TNS1: variants seen among roughly 807,000 people sequenced by gnomAD.
TNS1 encodes tensin 1, also known as tensin-1.
Under a neutral mutation model 168.6 loss-of-function variants are expected in TNS1, and 62 were observed. The observed-to-expected ratio is 0.37, with a 90% CI of 0.30 to 0.45. The LOEUF (loss-of-function observed/expected upper bound fraction) is 0.45. Among genes scored for constraint, TNS1 ranks in the 20% least tolerant of loss-of-function variants. TNS1 has a pLI of 1.00. For missense variants in TNS1, 2,240 were observed against 2,339.4 expected (o/e 0.96, Z 0.88); for synonymous variants, 934 against 933.2 (o/e 1.00, Z -0.02).
At chr2:217,834,482 C>T (rs1944895726) in intron 21 of TNS1, among the ~76,000 whole-genome samples, 2 of 152,232 alleles carry the variant, frequency 1.3e-5, no homozygotes, top group African/African-American at 4.8e-5. Context: ...GGAACACTGC[C>T]CCATGCCTTG....
rs758792363 is a variant in TNS1, at chr2:217,849,115, C to A, written c.1430-28G>T. 2.5e-6 allele frequency: 4 copies of A among 1,582,594 alleles called. No individual in the cohort carries two copies. The South Asian group carries it at 4.6e-5, about 18-fold the overall frequency. On this transcript the variant is annotated intron_variant, in intron 18 of 32. Transcript: ENST00000682258. ...GCAAGGGACAGAGCCGGAGGGGAGA[C>A]AACAGACAACAGACATTAGCGGGAG...
chr2:217,893,139 T>C, intron 10 of TNS1, 127 bp from the exon 11 acceptor site: 1 of 1,230,472 alleles, frequency 8.1e-7, no homozygotes, highest in Non-Finnish European at 1.1e-6. Flanking sequence ...AGGGAGAACA[T>C]AAGGAGGAAG....
At chr2:217,962,963 A>C (rs1319130934) in intron 3 of TNS1, among the ~76,000 whole-genome samples, 1 of 152,210 alleles carries the variant, frequency 6.6e-6, no homozygotes, top group Non-Finnish European at 1.5e-5. Flanking sequence ...GTGCATGGTT[A>C]TGTAAGATGT....
At chr2:217,808,476 C>T (rs185129392) in intron 31 of TNS1, 127 bp downstream of exon 31, 16 of 962,238 alleles carry the variant, frequency 1.7e-5, no homozygotes, top group East Asian at 2.4e-5. Context: ...CATGGGCAGA[C>T]CTTCCAGCTG....
chr2:217,966,707 A>G (rs779044205), intron 3 of TNS1, among the ~76,000 whole-genome samples: 2 of 152,216 alleles, frequency 1.3e-5, no homozygotes, highest in Non-Finnish European at 2.9e-5. Flanking sequence ...GAACAGCACA[A>G]GGGAACACTG....
chr2:218,016,711 C>A (rs1456425024), intron 1 of TNS1, among the ~76,000 whole-genome samples: 1 of 152,170 alleles, frequency 6.6e-6, no homozygotes, highest in African/African-American at 2.4e-5. Flanking sequence ...GAATGGACCC[C>A]CCCAGAAAGA....
Position 217,801,021 on chromosome 2 carries a change from C to T in TNS1, c.*3438G>A, listed in dbSNP as rs578172889. ...CACAACCACTGGCCCCACCATCCCTCTCCTGGCCAGTCTCAGAAGACCCAG... is the reference window on the plus strand; with the variant it reads ...CACAACCACTGGCCCCACCATCCCTTTCCTGGCCAGTCTCAGAAGACCCAG... On this transcript the variant is annotated 3_prime_UTR_variant, in exon 33 of 33. Transcript: ENST00000682258. The T allele has an allele frequency of 6.6e-6, 1 of 152,368 alleles. No homozygotes were observed. Among genetic ancestry groups the T allele is most frequent in the Admixed American group, 6.5e-5 (1 of 15,288 alleles). The allele number at this position is 152,368 out of a possible 1,614,324, so 9.4% of individuals were successfully genotyped here. A position where few individuals can be genotyped will look rare whatever the true frequency, so the allele number is the denominator to read the frequency against.
rs766007050 is a variant in TNS1 at position 217,897,858 on chromosome 2, G to A, written c.483C>T (p.Phe161=). The change falls in exon 8 of 33, where the codon TTC becomes TTT. Residue 161 remains phenylalanine (F), a synonymous_variant. Transcript: ENST00000682258. ...SFPSTANEEN[F]RSNLREVAQM... ...GCGCCACCTCACGGAGGTTGCTCCGGAAGTTCTCCTCATTGGCTGTGCTGG... is the reference window on the plus strand; with the variant it reads ...GCGCCACCTCACGGAGGTTGCTCCGAAAGTTCTCCTCATTGGCTGTGCTGG... 1 of 1,613,546 alleles carries A rather than the reference G, an allele frequency of 6.2e-7. No homozygotes were observed. Among genetic ancestry groups the A allele is most frequent in the Non-Finnish European group, 8.5e-7 (1 of 1,179,724 alleles).
chr2:217,892,755 A>G (rs533793395), intron 11 of TNS1, among the ~76,000 whole-genome samples, 193 bp downstream of exon 11: 1 of 151,120 alleles, frequency 6.6e-6, no homozygotes, highest in African/African-American at 2.4e-5. Context: ...AGAGAAGTGG[A>G]CTCTCCTCCC....
chr2:217,931,006 G>T (rs1286066906), intron 3 of TNS1, among the ~76,000 whole-genome samples: 1 of 152,152 alleles, frequency 6.6e-6, no homozygotes, highest in Admixed American at 6.5e-5. Flanking sequence ...GAGGTGACAG[G>T]CGTGGGGAGC....
Position 217,804,529 on chromosome 2 carries a change from G to A in TNS1, c.5450C>T (p.Pro1817Leu), listed in dbSNP as rs778921539. 39 of 1,614,046 alleles carry A rather than the reference G, an allele frequency of 2.4e-5. No homozygotes were observed. In the South Asian group the frequency reaches 4.0e-4, roughly 16 times the overall value. ...NACHLFAELD[P>L]NQPASAIVNF... ...GACGATGGCAGAGGCCGGCTGGTTG[G>A]GGTCAAGCTCAGCAAAGAGGTGGCA... Residue 1817 changes from proline to leucine, a missense_variant, in exon 33 of 33, where the codon CCC becomes CTC. Physicochemically the swap from Pro to Leu is moderately conservative, Grantham distance 98. Coordinates refer to ENST00000682258, the MANE Select transcript of TNS1 (RefSeq NM_001387777.1).
intron 11 of TNS1, among the ~76,000 whole-genome samples, chr2:217,892,228 T>C (rs539251649): frequency 6.6e-6 from 1 of 152,188 alleles, no homozygotes; most frequent in South Asian, 2.1e-4. Flanking sequence ...GCCTCCTGAG[T>C]AGCTGGGATT....
intron 19 of TNS1, among the ~76,000 whole-genome samples, chr2:217,841,771 G>C (rs1312440312): frequency 6.6e-6 from 1 of 152,132 alleles, no homozygotes; most frequent in Non-Finnish European, 1.5e-5. Flanking sequence ...CACCCAGCCT[G>C]AGCCCAAGGG....
chr2:217,995,452 A>G lies in TNS1; in HGVS notation c.34-4396T>C, dbSNP rs1958451739. Among the ~76,000 whole-genome samples, 1 of 152,162 alleles carries G rather than the reference A, an allele frequency of 6.6e-6. No individual in the cohort carries two copies. The highest frequency in any genetic ancestry group is 1.5e-5 in the Non-Finnish European group (1 of 68,026). ...TAATGAGACTCAGTGGGGAAAAAAA[A>G]AACTTAACAATCAGATGCAAAAATA... is the stretch of plus-strand genomic sequence containing the variant. On this transcript the variant is annotated intron_variant, in intron 1 of 32. Transcript: ENST00000682258. The surrounding 1 kb of genome is among the most constrained non-coding windows in gnomAD (Gnocchi z 4.1).
At chr2:217,957,262 G>A (rs1169947280) in intron 3 of TNS1, among the ~76,000 whole-genome samples, 1 of 152,148 alleles carries the variant, frequency 6.6e-6, no homozygotes, top group African/African-American at 2.4e-5. Flanking sequence ...TTTATGAGAT[G>A]AGGTATCCAG....
intron 3 of TNS1, among the ~76,000 whole-genome samples, chr2:217,957,605 T>C (rs1210073305): frequency 2.6e-5 from 4 of 152,166 alleles, no homozygotes; most frequent in African/African-American, 9.7e-5. Flanking sequence ...GCTTCTATGT[T>C]CTTCTGCCTG....
intron 24 of TNS1, among the ~76,000 whole-genome samples, chr2:217,816,573 C>T (rs1394098689): frequency 6.6e-6 from 1 of 152,172 alleles, no homozygotes; most frequent in Admixed American, 6.5e-5. Flanking sequence ...TCTGAAGCCC[C>T]AGGCCCCACT....
intron 18 of TNS1, among the ~76,000 whole-genome samples, chr2:217,857,260 G>A (rs765097772): frequency 3.3e-5 from 5 of 152,236 alleles, no homozygotes; most frequent in South Asian, 2.1e-4. Flanking sequence ...AGAGCTGAAG[G>A]GCCTTAGGGG....
At chr2:217,962,110 C>T (rs1335111245) in intron 3 of TNS1, among the ~76,000 whole-genome samples, 1 of 152,190 alleles carries the variant, frequency 6.6e-6, no homozygotes. Flanking sequence ...GGTTCTGTTT[C>T]TCTGGAGAAC....
Sources: allele counts gnomAD v4.1 joint callset (sites outside exome capture counted in the v4.1 genomes callset), GRCh38; gene constraint gnomAD v4.1.1; non-coding constraint Gnocchi (gnomAD v3.1); transcripts MANE v1.5; gene names NCBI Gene and HGNC (gene_info 2026-07-23, HGNC 2026-07-21).